RAP1GDS1: variants seen among roughly 807,000 people sequenced by gnomAD.
RAP1GDS1 encodes the protein RAP1, GTP-GDP dissociation stimulator 1.
In RAP1GDS1, 35 loss-of-function variants were observed where a neutral mutation model predicts 71.1. That is an observed-to-expected ratio of 0.49 (90% CI 0.38 to 0.65). RAP1GDS1 has a LOEUF of 0.65. Ranked by LOEUF, RAP1GDS1 falls within the 30% of genes least tolerant of loss-of-function variation. The pLI is 0.00. For synonymous variants in RAP1GDS1, 229 were observed against 243.1 expected, an observed-to-expected ratio of 0.94 and a Z score of 0.54; for missense variants, 663 against 706.1, an observed-to-expected ratio of 0.94 and a Z score of 0.69.
intron 2 of RAP1GDS1, among the ~76,000 whole-genome samples, chr4:98,300,575 A>G (rs569932641): frequency 1.3e-4 from 20 of 151,978 alleles, no homozygotes; most frequent in African/African-American, 4.1e-4. Context: ...AATTTTTTGT[A>G]TTTTTAGTAG....
intron 1 of RAP1GDS1, among the ~76,000 whole-genome samples, chr4:98,287,090 G>C (rs1726159798): frequency 6.6e-6 from 1 of 151,992 alleles, no homozygotes; most frequent in South Asian, 2.1e-4. Flanking sequence ...TAACTCAAAA[G>C]TAATGTAGGT....
intron 1 of RAP1GDS1, among the ~76,000 whole-genome samples, chr4:98,278,646 T>C (rs915306685): frequency 1.3e-5 from 2 of 152,200 alleles, no homozygotes; most frequent in Non-Finnish European, 2.9e-5. Flanking sequence ...TTGCTTAAGC[T>C]CTTTTATATC....
chr4:98,391,960 C>A lies in RAP1GDS1; in HGVS notation c.517C>A (p.Gln173Lys). The part of the protein sequence containing the change: ...MNYSNENDSL[Q>K]AQLINMGVIP... ...TTTTTTTGTTTTTACAGATTCGCTT[C>A]AAGCTCAGCTTATCAATATGGGTGT... The change falls in exon 6 of 15, where the codon CAA (glutamine) becomes AAA (lysine). Residue 173 changes from glutamine (Q) to lysine (K), a missense_variant. Coordinates refer to ENST00000408927, the MANE Select transcript of RAP1GDS1 (RefSeq NM_001100427.2). 6.3e-7 allele frequency: 1 copy of A among 1,588,366 alleles called. No individual in the cohort carries two copies. Among genetic ancestry groups the A allele is most frequent in the South Asian group, 1.2e-5 (1 of 84,676 alleles).
At chr4:98,421,436 G>A (rs1261834979) in intron 12 of RAP1GDS1, 42 bp downstream of exon 12, 5 of 1,516,932 alleles carry the variant, frequency 3.3e-6, no homozygotes, top group East Asian at 2.3e-5. Context: ...ACTTCAGAGT[G>A]TCTTTTTCAG....
chr4:98,364,702 A>C (rs1442724073), intron 4 of RAP1GDS1, among the ~76,000 whole-genome samples: 1 of 152,024 alleles, frequency 6.6e-6, no homozygotes, highest in Admixed American at 6.6e-5. Flanking sequence ...ACATTTTTCC[A>C]AGTATAAAAG....
chr4:98,394,564 G>A (rs1489231884), intron 6 of RAP1GDS1, among the ~76,000 whole-genome samples: 1 of 152,084 alleles, frequency 6.6e-6, no homozygotes, highest in Non-Finnish European at 1.5e-5. Context: ...CCCGTATGAA[G>A]TAAACTGGGC....
intron 14 of RAP1GDS1, among the ~76,000 whole-genome samples, chr4:98,438,686 G>A (rs1235294915): frequency 6.8e-6 from 1 of 147,458 alleles, no homozygotes; most frequent in African/African-American, 2.5e-5. Context: ...TCTTCCTCCA[G>A]GGTTCAAGTG....
intron 1 of RAP1GDS1, among the ~76,000 whole-genome samples, chr4:98,277,711 T>C (rs1724435451): frequency 1.3e-5 from 2 of 152,184 alleles, no homozygotes; most frequent in African/African-American, 4.8e-5. Context: ...TCATATTTCT[T>C]TTTGGCATTT....
rs746017097 is a variant in RAP1GDS1, at chr4:98,420,111, C to T, written c.1267C>T (p.Leu423=). The T allele has an allele frequency of 2.5e-6, 4 of 1,589,542 alleles. No individual in the cohort carries two copies. In the South Asian group the frequency reaches 4.7e-5, roughly 19 times the overall value. The change falls in exon 11 of 15, where the codon CTG becomes TTG. Residue 423 remains leucine, a synonymous_variant. Coordinates refer to ENST00000408927, the MANE Select transcript of RAP1GDS1 (RefSeq NM_001100427.2). The part of the protein sequence containing the change: ...SEMPPVQFKL[L]GTLRMLIDAQ... Reference sequence around the variant, plus strand: ...AATGCCTCCTGTTCAGTTCAAACTTCTGGGAACATTAAGAATGTTAATAGA... The same window carrying T: ...AATGCCTCCTGTTCAGTTCAAACTTTTGGGAACATTAAGAATGTTAATAGA...
chr4:98,433,495 A>C (rs978904821), intron 12 of RAP1GDS1, among the ~76,000 whole-genome samples: 1 of 151,988 alleles, frequency 6.6e-6, no homozygotes, highest in East Asian at 1.9e-4. Flanking sequence ...GGGTCTCGCT[A>C]TGTTGCCAGG....
At chr4:98,437,883 G>C (rs143132250) in intron 14 of RAP1GDS1, among the ~76,000 whole-genome samples, 442 of 152,006 alleles carry the variant, frequency 2.9e-3, no homozygotes, top group African/African-American at 0.01. Flanking sequence ...ATGGACACCT[G>C]AAAAGAGTGT....
chr4:98,319,537 T>C (rs891532505), intron 2 of RAP1GDS1, among the ~76,000 whole-genome samples: 4 of 152,132 alleles, frequency 2.6e-5, no homozygotes, highest in East Asian at 3.9e-4. Context: ...TCCCAGCACT[T>C]TGGGAGGCCG....
chr4:98,326,413 G>A (rs72896319), intron 2 of RAP1GDS1, among the ~76,000 whole-genome samples: 1,901 of 152,022 alleles, frequency 0.013, 43 homozygotes, highest in African/African-American at 0.044. Context: ...CCCCTTTCTT[G>A]AACCTCATTC....
chr4:98,434,906 T>C lies in RAP1GDS1; in HGVS notation c.1567+844T>C, dbSNP rs1578879147. 2.0e-5 allele frequency among the ~76,000 whole-genome samples: 3 copies of C among 152,106 alleles called. No homozygotes were observed. The South Asian group carries it at 6.2e-4, about 32-fold the overall frequency. On this transcript the variant is annotated intron_variant, in intron 13 of 14. Transcript: ENST00000408927. ...CAAAGCGCTGGGATTACAGGCGTGA[T>C]CCACCATGCCCGGCCCTAATATAGC...
chr4:98,428,963 T>G, intron 12 of RAP1GDS1, among the ~76,000 whole-genome samples: 1 of 151,980 alleles, frequency 6.6e-6, no homozygotes. Context: ...AACGAGTGAA[T>G]AAAGAAACTA....
intron 5 of RAP1GDS1, among the ~76,000 whole-genome samples, chr4:98,387,216 T>C (rs1742901358): frequency 6.6e-6 from 1 of 152,194 alleles, no homozygotes; most frequent in Non-Finnish European, 1.5e-5. Flanking sequence ...AAGTTCTATT[T>C]ACCAAAAAGC....
chr4:98,366,719 T>A (rs769087038), intron 4 of RAP1GDS1, among the ~76,000 whole-genome samples: 8 of 152,168 alleles, frequency 5.3e-5, no homozygotes, highest in Admixed American at 1.3e-4. Context: ...ATTCTTGTTA[T>A]GTTTTAGCAA....
At chr4:98,400,994 A>G (rs1045766924) in intron 6 of RAP1GDS1, among the ~76,000 whole-genome samples, 9 of 152,214 alleles carry the variant, frequency 5.9e-5, no homozygotes, top group Non-Finnish European at 1.2e-4. Flanking sequence ...TCTGGAAGCC[A>G]CTGGAAGTTG....
chr4:98,380,267 C>T (rs1741807299), intron 5 of RAP1GDS1, among the ~76,000 whole-genome samples: 1 of 151,508 alleles, frequency 6.6e-6, no homozygotes. Flanking sequence ...AAATACTGCC[C>T]AATCTTTATA....
Sources: gnomAD v4.1 joint callset for allele counts (sites outside exome capture counted in the v4.1 genomes callset) on GRCh38, gnomAD v4.1.1 for gene constraint, MANE v1.5 for transcripts, NCBI Gene and HGNC (gene_info 2026-07-23, HGNC 2026-07-21) for gene names.